Variants in PPP2R1B observed in about 807,000 individuals in gnomAD.
PPP2R1B encodes the protein protein phosphatase 2 scaffold subunit Abeta.
Under a neutral mutation model 72.7 loss-of-function variants are expected in PPP2R1B, and 58 were observed. The observed-to-expected ratio is 0.80, with a 90% CI of 0.65 to 0.99. PPP2R1B has a LOEUF of 0.99. Among genes scored for constraint, PPP2R1B ranks in the 50% least tolerant of loss-of-function variants. The pLI, the probability that PPP2R1B is intolerant of heterozygous loss-of-function variation, is 0.00. For synonymous variants in PPP2R1B, 256 were observed against 264.6 expected, an observed-to-expected ratio of 0.97 and a Z score of 0.32; for missense variants, 695 against 733.6, an observed-to-expected ratio of 0.95 and a Z score of 0.61.
the PPP2R1B span, among the ~76,000 whole-genome samples, chr11:111,718,590 G>A: frequency 3.3e-5 from 5 of 152,196 alleles, no homozygotes; most frequent in African/African-American, 1.2e-4. Context: ...AAAGATCTGA[G>A]TCACCCTAGT....
intron 10 of PPP2R1B, among the ~76,000 whole-genome samples, chr11:111,749,498 T>G (rs1944824482): frequency 6.6e-6 from 1 of 151,992 alleles, no homozygotes. Flanking sequence ...TTGGTCAGGC[T>G]GGGCTCAAAC....
chr11:111,717,343 A>G, the PPP2R1B span, among the ~76,000 whole-genome samples: 1 of 149,282 alleles, frequency 6.7e-6, no homozygotes, highest in Admixed American at 6.6e-5. Flanking sequence ...AAAAAAAAAA[A>G]GCTCAACATG....
chr11:111,715,265 C>T, the PPP2R1B span, among the ~76,000 whole-genome samples: 11 of 152,192 alleles, frequency 7.2e-5, no homozygotes, highest in Non-Finnish European at 2.9e-5. Context: ...GCTTGTCCCT[C>T]TTCCCTCCCT....
At chr11:111,744,539 G>A (rs1944636484) in intron 11 of PPP2R1B, among the ~76,000 whole-genome samples, 1 of 152,120 alleles carries the variant, frequency 6.6e-6, no homozygotes, top group African/African-American at 2.4e-5. Context: ...ATACAGCACT[G>A]AACAAAAACA....
intron 11 of PPP2R1B, 123 bp from the exon 12 acceptor site, chr11:111,743,653 T>A: frequency 8.5e-7 from 1 of 1,177,118 alleles, no homozygotes; most frequent in Non-Finnish European, 1.2e-6. Flanking sequence ...AGACTCCACA[T>A]GTAATCATGC....
downstream of PPP2R1B, chr11:111,723,933 C>T (rs1282156162): frequency 3.7e-6 from 6 of 1,613,876 alleles, no homozygotes; most frequent in Non-Finnish European, 5.1e-6. Flanking sequence ...CCAGACTATC[C>T]CACTCCCTGT....
rs570242713 is a variant in PPP2R1B at position 111,744,275 on chromosome 11, C to T, written c.1400-745G>A. 2.6e-5 allele frequency among the ~76,000 whole-genome samples: 4 copies of T among 152,304 alleles called. No homozygotes were observed. In the South Asian group the frequency reaches 6.2e-4, roughly 24 times the overall value. ...TTCCAGCAACATCACGGAGAAGCGA[C>T]GTTGACTGAGAAAGACAACAAGGAA... On this transcript the variant is annotated intron_variant, in intron 11 of 14. Coordinates refer to ENST00000527614, the MANE Select transcript of PPP2R1B (RefSeq NM_002716.5).
In PPP2R1B at chr11:111,739,610, C is replaced by T; in HGVS notation, c.*1986G>A. 1 of 985,400 alleles carries T rather than the reference C, an allele frequency of 1.0e-6. No individual in the cohort carries two copies. Among genetic ancestry groups the T allele is most frequent in the Non-Finnish European group, 1.2e-6 (1 of 829,930 alleles). 61.0% of individuals were successfully genotyped at this position (985,400 alleles called of 1,614,324 possible). ...ATGCTTAGGGCTCCTCACTGGGAGA[C>T]ACAAGGGCATTTTAAAAGTCTGTCC... On this transcript the variant is annotated 3_prime_UTR_variant, in exon 15 of 15. Coordinates refer to ENST00000527614, the MANE Select transcript of PPP2R1B (RefSeq NM_002716.5).
At chr11:111,688,951 AAC>A in the PPP2R1B span, among the ~76,000 whole-genome samples, 4 of 152,238 alleles carry the variant, frequency 2.6e-5, no homozygotes, top group Non-Finnish European at 5.9e-5. The surrounding 1 kb of genome is among the most constrained non-coding windows in gnomAD (Gnocchi z 4.2). Flanking sequence ...AGTATATACA[AAC>A]TGCATGGGAG....
At chr11:111,696,887 TC>T in the PPP2R1B span, among the ~76,000 whole-genome samples, 199 of 152,090 alleles carry the variant, frequency 1.3e-3, 2 homozygotes, top group African/African-American at 4.6e-3. Flanking sequence ...CACATTTCAT[TC>T]CCCCCCTACT....
Position 111,727,192 on chromosome 11 carries a change from C to A in PPP2R1B, c.1912-135G>T, listed in dbSNP as rs1944000533. ...CTTCTGTCACCGTGGGAAAAGGAGG[C>A]TGATGGTTCTCTACACCATCCACCT... On this transcript the variant is annotated intron_variant, in intron 15 of 15. Transcript: ENST00000311129. 3 of 721,718 alleles carry A rather than the reference C, an allele frequency of 4.2e-6. No individual in the cohort carries two copies. In the South Asian group the frequency reaches 5.0e-5, roughly 12 times the overall value. 44.7% of individuals were successfully genotyped at this position (721,718 alleles called of 1,614,324 possible).
chr11:111,747,992 T>C lies in PPP2R1B; in HGVS notation c.1361A>G (p.Lys454Arg). Residue 454 changes from lysine to arginine, a missense_variant, in exon 11 of 15, where the codon AAG (lysine) becomes AGG (arginine). Transcript: ENST00000527614. ...CCAAGCCATACATAAAGAATTCAGCTTTTCATCAAAGAATTCCACACCCTA... is the reference window on the plus strand; with the variant it reads ...CCAAGCCATACATAAAGAATTCAGCCTTTCATCAAAGAATTCCACACCCTA... Reference protein sequence around the residue: ...GQLGVEFFDEKLNSLCMAWLV... With the variant: ...GQLGVEFFDERLNSLCMAWLV... 6.2e-7 allele frequency: 1 copy of C among 1,613,440 alleles called. No homozygotes were observed. The highest frequency in any genetic ancestry group is 2.2e-5 in the East Asian group (1 of 44,856).
At chr11:111,712,249 G>T in the PPP2R1B span, 2 of 1,614,160 alleles carry the variant, frequency 1.2e-6, no homozygotes, top group East Asian at 2.2e-5. Context: ...TGCATTCACC[G>T]AACATGAGGC....
At chr11:111,692,088 T>C in the PPP2R1B span, among the ~76,000 whole-genome samples, 1 of 151,780 alleles carries the variant, frequency 6.6e-6, no homozygotes, top group Non-Finnish European at 1.5e-5. Flanking sequence ...CGGTGGCTTA[T>C]GCCTGTAATC....
At chr11:111,699,878 G>C in the PPP2R1B span, among the ~76,000 whole-genome samples, 2 of 152,204 alleles carry the variant, frequency 1.3e-5, no homozygotes, top group Non-Finnish European at 2.9e-5. Flanking sequence ...TGGCAGTAGA[G>C]ACTTGATCCA....
chr11:111,733,157 C>T (rs1293982038), downstream of PPP2R1B, among the ~76,000 whole-genome samples: 1 of 152,340 alleles, frequency 6.6e-6, no homozygotes, highest in African/African-American at 2.4e-5. Context: ...CCAGGCGCCT[C>T]GGCCACTGTT....
intron 10 of PPP2R1B, among the ~76,000 whole-genome samples, chr11:111,748,301 C>T (rs1369729700): frequency 6.6e-6 from 1 of 152,216 alleles, no homozygotes; most frequent in Non-Finnish European, 1.5e-5. Context: ...AGGAAGAATG[C>T]ACTGTGTATG....
downstream of PPP2R1B, chr11:111,722,065 G>A (rs554663428): frequency 4.8e-6 from 3 of 620,508 alleles, no homozygotes; most frequent in African/African-American, 3.7e-5. This position sits in a 1 kb window ranked among gnomAD's most constrained non-coding sequence, Gnocchi z 4.4. Context: ...TAGGCAAGTA[G>A]CTTTGACTCT....
At chr11:111,765,557 C>T (rs1259818286) in intron 1 of PPP2R1B, among the ~76,000 whole-genome samples, 173 bp from the exon 2 acceptor site, 4 of 152,174 alleles carry the variant, frequency 2.6e-5, no homozygotes, top group Non-Finnish European at 4.4e-5. Flanking sequence ...AGAAGTGTAA[C>T]TCGGCCTCAC....
Sources: allele counts gnomAD v4.1 joint callset (sites outside exome capture counted in the v4.1 genomes callset), GRCh38; gene constraint gnomAD v4.1.1; non-coding constraint Gnocchi (gnomAD v3.1); transcripts MANE v1.5; gene names NCBI Gene and HGNC (gene_info 2026-07-23, HGNC 2026-07-21).